STAB2: variants seen among roughly 807,000 people sequenced by gnomAD.
The protein encoded by STAB2 is stabilin-2.
A neutral mutation model predicts 338.1 loss-of-function variants in STAB2; 288 were observed. The ratio of observed to expected loss-of-function variants is 0.85; its 90% CI spans 0.77 to 0.94. The LOEUF is 0.94. STAB2 is among the 40% of genes least tolerant of loss of function. The pLI, the probability that STAB2 is intolerant of heterozygous loss-of-function variation, is 0.00. For missense variants in STAB2, 3,141 were observed against 3,210.1 expected (o/e 0.98, Z 0.52); for synonymous variants, 1,202 against 1,193.3 (o/e 1.01, Z -0.15).
Position 103,746,639 on chromosome 12 carries a change from C to T in STAB2, c.6179C>T (p.Thr2060Ile), listed in dbSNP as rs1415068827. 6.2e-7 allele frequency: 1 copy of T among 1,614,016 alleles called. No individual in the cohort carries two copies. Among genetic ancestry groups the T allele is most frequent in the East Asian group, 2.2e-5 (1 of 44,894 alleles). The change falls in exon 58 of 69, where the codon ACC becomes ATC. Residue 2060 changes from threonine to isoleucine, a missense_variant. Thr to Ile is a moderately conservative substitution (Grantham distance 89, BLOSUM62 -1). Transcript: ENST00000388887. ...ACGCCTCCTTGTTCTGCTCATGCCA[C>T]CTGTAAGGAGAACAACACGTGTGAG... ...VCTPPCSAHA[T>I]CKENNTCECN... is the part of the protein sequence containing the mutation.
intron 22 of STAB2, among the ~76,000 whole-genome samples, chr12:103,672,983 AT>A (rs543084850): frequency 7.7e-4 from 118 of 152,258 alleles, no homozygotes; most frequent in African/African-American, 2.6e-3. Flanking sequence ...CATCTGAAAA[AT>A]GGGGGATATA....
intron 63 of STAB2, 141 bp downstream of exon 63, chr12:103,755,859 C>T: frequency 1.4e-6 from 1 of 711,492 alleles, no homozygotes; most frequent in Non-Finnish European, 2.3e-6. Flanking sequence ...GAATCTAAAG[C>T]CTAGTTTTGC....
At position 103,715,857 on chromosome 12, in the gene STAB2, A is replaced by C; in HGVS notation, c.4580A>C (p.Asn1527Thr). The change falls in exon 43 of 69, where the codon AAT (asparagine) becomes ACT (threonine). Residue 1527 changes from asparagine to threonine, a missense_variant. Asn to Thr is a moderately conservative substitution (Grantham distance 65). Coordinates refer to ENST00000388887, the MANE Select transcript of STAB2 (RefSeq NM_017564.10). ...GAGAACCATGGTGGCTGTGACAAGA[A>C]TGCGGAGTGCACACAGACAGGACCC... ...CLENHGGCDK[N>T]AECTQTGPNQ... 1 of 1,614,136 alleles carries C rather than the reference A, an allele frequency of 6.2e-7. No individual in the cohort carries two copies. Among genetic ancestry groups the C allele is most frequent in the Non-Finnish European group, 8.5e-7 (1 of 1,179,982 alleles).
At chr12:103,722,531 G>A (rs1238553673) in intron 44 of STAB2, among the ~76,000 whole-genome samples, 1 of 152,122 alleles carries the variant, frequency 6.6e-6, no homozygotes, top group Non-Finnish European at 1.5e-5. Flanking sequence ...GATCTTCCTG[G>A]GCAAATAAAT....
Position 103,655,465 on chromosome 12 carries a change from T to C in STAB2, c.1618T>C (p.Leu540=). The change falls in exon 15 of 69, where the codon TTG becomes CTG. Residue 540 remains leucine, a synonymous_variant. Transcript: ENST00000388887. The stretch of plus-strand genomic sequence containing the variant: ...CATTTCCCAAATGCAGGAAACCAAT[T>C]TGGGACATGCCTTAGATGAGGATGG... ...KFRSLLEETN[L]GHALDEDGVG... 1 of 1,613,864 alleles carries C rather than the reference T, an allele frequency of 6.2e-7. No individual in the cohort carries two copies. Among genetic ancestry groups the C allele is most frequent in the Non-Finnish European group, 8.5e-7 (1 of 1,179,946 alleles).
intron 22 of STAB2, among the ~76,000 whole-genome samples, chr12:103,671,541 A>G (rs1875791546): frequency 1.3e-5 from 2 of 152,108 alleles, no homozygotes; most frequent in Non-Finnish European, 2.9e-5. Context: ...TGGGCAAGTT[A>G]CTCTACTTCT....
At chr12:103,691,348 A>G (rs1381730216) in intron 30 of STAB2, among the ~76,000 whole-genome samples, 2 of 152,242 alleles carry the variant, frequency 1.3e-5, no homozygotes, top group African/African-American at 4.8e-5. Flanking sequence ...GCACTATGAA[A>G]AAGATCTATG....
At chr12:103,765,610 C>T (rs1033242913) in intron 68 of STAB2, among the ~76,000 whole-genome samples, 15 of 152,190 alleles carry the variant, frequency 9.9e-5, no homozygotes, top group African/African-American at 3.4e-4. Flanking sequence ...GTCACGCAGG[C>T]TGGAGTGCAG....
At chr12:103,642,124 T>G (rs1261403708) in intron 9 of STAB2, among the ~76,000 whole-genome samples, 1 of 152,224 alleles carries the variant, frequency 6.6e-6, no homozygotes, top group Non-Finnish European at 1.5e-5. Flanking sequence ...ACCTGTCAAG[T>G]AGGTCTAGAG....
At position 103,631,837 on chromosome 12, in the gene STAB2, G is replaced by C. The variant is rs566123880; in HGVS notation, c.583+144G>C. On this transcript the variant is annotated intron_variant, in intron 6 of 68. Coordinates refer to ENST00000388887, the MANE Select transcript of STAB2 (RefSeq NM_017564.10). ...GGAAAGAAACTAGAAATTAAAAAGAGAATATAGAAGAGAAAAGGAAAGAAG... is the reference window on the plus strand; with the variant it reads ...GGAAAGAAACTAGAAATTAAAAAGACAATATAGAAGAGAAAAGGAAAGAAG... 20 of 694,866 alleles carry C rather than the reference G, an allele frequency of 2.9e-5. No individual in the cohort carries two copies. The East Asian group carries it at 4.9e-4, about 17-fold the overall frequency. The allele number at this position is 694,866 out of a possible 1,614,324, so 43.0% of individuals were successfully genotyped here.
chr12:103,701,707 G>T (rs957017685), intron 34 of STAB2, among the ~76,000 whole-genome samples: 2 of 152,034 alleles, frequency 1.3e-5, no homozygotes, highest in African/African-American at 4.8e-5. Flanking sequence ...TGAGACTAAG[G>T]TTTCCTCTTA....
At chr12:103,711,841 C>A (rs1879892568) in intron 40 of STAB2, among the ~76,000 whole-genome samples, 1 of 152,156 alleles carries the variant, frequency 6.6e-6, no homozygotes, top group Admixed American at 6.5e-5. Context: ...TGACTCACAG[C>A]AAGTCATAAC....
At chr12:103,612,597 T>G (rs915517030) in intron 3 of STAB2, among the ~76,000 whole-genome samples, 3 of 152,200 alleles carry the variant, frequency 2.0e-5, no homozygotes, top group African/African-American at 7.2e-5. Flanking sequence ...CTAGTCTTTT[T>G]TCAAGGTGTT....
At position 103,737,779 on chromosome 12, in the gene STAB2, C is replaced by A. The variant is rs770721938; in HGVS notation, c.5696C>A (p.Ser1899Ter). 1 of 1,613,812 alleles carries A rather than the reference C, an allele frequency of 6.2e-7. No individual in the cohort carries two copies. The highest frequency in any genetic ancestry group is 1.1e-5 in the South Asian group (1 of 91,032). ...GACACCTTTACTACTTTCGATGCCTCGGTCAGTCCTAAAAACAACAGTGTA... is the reference window on the plus strand; with the variant it reads ...GACACCTTTACTACTTTCGATGCCTAGGTCAGTCCTAAAAACAACAGTGTA... ...RCDTFTTFDA[S>*]GECGSCVNTP... is the part of the protein sequence containing the mutation. The change falls in exon 53 of 69, where the codon TCG becomes TAG. Residue 1899 changes from serine (S) to a stop codon, truncating the protein, a stop_gained and splice_region_variant. Coordinates refer to ENST00000388887, the MANE Select transcript of STAB2 (RefSeq NM_017564.10). LOFTEE classifies it high-confidence loss of function.
intron 63 of STAB2, among the ~76,000 whole-genome samples, chr12:103,756,997 ATATATATATAT>A (rs748818347): frequency 0.54 from 69,610 of 130,042 alleles, 17,667 homozygotes; most frequent in South Asian, 0.59. Context: ...AGGAGGGAAA[ATATATATATAT>A]ATATATATAT....
intron 56 of STAB2, 150 bp downstream of exon 56, chr12:103,742,704 C>A: frequency 7.6e-7 from 1 of 1,312,514 alleles, no homozygotes; most frequent in Non-Finnish European, 1.0e-6. Flanking sequence ...TGTTTATTTC[C>A]TCCTTGGATG....
At chr12:103,633,375 A>G (rs1957494413) in intron 6 of STAB2, among the ~76,000 whole-genome samples, 1 of 152,248 alleles carries the variant, frequency 6.6e-6, no homozygotes, top group African/African-American at 2.4e-5. Flanking sequence ...TCCAAAATCT[A>G]AATTTCAGAA....
chr12:103,619,905 A>G (rs545523967), intron 3 of STAB2, among the ~76,000 whole-genome samples: 16 of 152,226 alleles, frequency 1.1e-4, no homozygotes, highest in East Asian at 9.7e-4. Context: ...CCTTTTAAGC[A>G]TAGCCAATTC....
At position 103,705,717 on chromosome 12, in the gene STAB2, G is replaced by T. The variant is rs1879288272; in HGVS notation, c.3986G>T (p.Arg1329Ile). ...ATTGGGTGCCAGCCAAAATGTGTGA[G>T]AACCGTCATTGTGAGTACAATAATT... ...LFIGCQPKCV[R>I]TVITRECCAG... Residue 1329 changes from arginine to isoleucine, a missense_variant, in exon 37 of 69, where the codon AGA (arginine) becomes ATA (isoleucine). Transcript: ENST00000388887. The T allele has an allele frequency of 6.2e-7, 1 of 1,614,034 alleles. No individual in the cohort carries two copies. The highest frequency in any genetic ancestry group is 8.5e-7 in the Non-Finnish European group (1 of 1,180,000).
Sources: gnomAD v4.1 joint callset for allele counts (sites outside exome capture counted in the v4.1 genomes callset) on GRCh38, gnomAD v4.1.1 for gene constraint, MANE v1.5 for transcripts, NCBI Gene and HGNC (gene_info 2026-07-23, HGNC 2026-07-21) for gene names.